XDH: variants seen among roughly 807,000 people sequenced by gnomAD.
XDH encodes xanthine dehydrogenase, also known as xanthine dehydrogenase/oxidase.
XDH carries 138 observed loss-of-function variants against 156.1 expected under a neutral mutation model. That is an observed-to-expected ratio of 0.88 (90% CI 0.77 to 1.02). The LOEUF is 1.02. XDH is among the 50% of genes least tolerant of loss of function. The pLI, the probability that XDH is intolerant of heterozygous loss-of-function variation, is 0.00. For synonymous variants in XDH, 669 were observed against 625.7 expected (o/e 1.07, Z -1.03); for missense variants, 1,849 against 1,684.9 (o/e 1.10, Z -1.71).
intron 9 of XDH, among the ~76,000 whole-genome samples, chr2:31,385,727 C>T (rs1686570147): frequency 6.6e-6 from 1 of 152,236 alleles, no homozygotes; most frequent in African/African-American, 2.4e-5. Flanking sequence ...GTCTCCCAGC[C>T]TGTTCAACTA....
intron 15 of XDH, among the ~76,000 whole-genome samples, chr2:31,374,587 G>T (rs773421828): frequency 6.6e-6 from 1 of 152,090 alleles, no homozygotes; most frequent in Non-Finnish European, 1.5e-5. Context: ...GTTTTCTCTG[G>T]GATTTGAGAG....
At chr2:31,356,502 C>T (rs1368601474) in intron 24 of XDH, among the ~76,000 whole-genome samples, 1 of 152,080 alleles carries the variant, frequency 6.6e-6, no homozygotes, top group Non-Finnish European at 1.5e-5. Flanking sequence ...AATGGACACA[C>T]AGGAGAAGGT....
chr2:31,392,153 T>A (rs1209038608), intron 6 of XDH, among the ~76,000 whole-genome samples: 1 of 152,106 alleles, frequency 6.6e-6, no homozygotes, highest in Non-Finnish European at 1.5e-5. Context: ...TAGTGAGATC[T>A]TTTTATTTTG....
intron 2 of XDH, 60 bp downstream of exon 2, chr2:31,405,847 C>T: frequency 2.5e-6 from 4 of 1,597,190 alleles, no homozygotes; most frequent in Non-Finnish European, 3.4e-6. Flanking sequence ...AATGTAAGGC[C>T]TACAGAATCA....
In XDH at chr2:31,372,306, T is replaced by C; in HGVS notation, c.1778A>G (p.Tyr593Cys). The C allele has an allele frequency of 6.2e-7, 1 of 1,614,186 alleles. No homozygotes were observed. Among genetic ancestry groups the C allele is most frequent in the Non-Finnish European group, 8.5e-7 (1 of 1,180,038 alleles). Residue 593 changes from tyrosine to cysteine, a missense_variant, in exon 17 of 36, where the codon TAC becomes TGC. Transcript: ENST00000379416. ...CTCGTAGCGAGGAATGTCGTCACAGTACACGGCCTCACCAGAGGCCTGCAT... is the reference window on the plus strand; with the variant it reads ...CTCGTAGCGAGGAATGTCGTCACAGCACACGGCCTCACCAGAGGCCTGCAT... ...ADMQASGEAV[Y>C]CDDIPRYENE...
rs1167130409 is a variant in XDH at position 31,377,035 on chromosome 2, T to C, written c.1427+18A>G. On this transcript the variant is annotated intron_variant, in intron 14 of 35. Transcript: ENST00000379416. ...GCAGCAACATTAGCAGCAGTTTCATTGTGCTGTTAGCTCTTACTTGGAAAG... is the reference window on the plus strand; with the variant it reads ...GCAGCAACATTAGCAGCAGTTTCATCGTGCTGTTAGCTCTTACTTGGAAAG... 1.2e-6 allele frequency: 2 copies of C among 1,614,092 alleles called. No individual in the cohort carries two copies. Among genetic ancestry groups the C allele is most frequent in the Admixed American group, 1.7e-5 (1 of 60,028 alleles).
intron 24 of XDH, among the ~76,000 whole-genome samples, chr2:31,353,025 C>CTT (rs774092222): frequency 5.9e-5 from 7 of 118,274 alleles, no homozygotes; most frequent in Admixed American, 8.7e-5. Context: ...CCAGCCACCT[C>CTT]TTTTTTTTTT....
chr2:31,347,707 C>G, intron 28 of XDH, 57 bp from the exon 29 acceptor site: 1 of 1,589,576 alleles, frequency 6.3e-7, no homozygotes, highest in South Asian at 1.1e-5. Flanking sequence ...GGCTTGGCTG[C>G]CTTCTCCCCA....
At chr2:31,370,887 G>A (rs1247744919) in intron 17 of XDH, among the ~76,000 whole-genome samples, 4 of 152,184 alleles carry the variant, frequency 2.6e-5, no homozygotes, top group South Asian at 2.1e-4. Flanking sequence ...TGGATGTTAC[G>A]TGATGCTCTG....
chr2:31,370,188 T>C (rs1381687539), intron 18 of XDH, among the ~76,000 whole-genome samples, 167 bp downstream of exon 18: 1 of 152,240 alleles, frequency 6.6e-6, no homozygotes, highest in Non-Finnish European at 1.5e-5. Flanking sequence ...AATAAACAAG[T>C]AACATATTCT....
chr2:31,339,371 C>T (rs1426831490), intron 34 of XDH, 118 bp downstream of exon 34: 6 of 1,384,376 alleles, frequency 4.3e-6, no homozygotes, highest in Non-Finnish European at 5.1e-6. Flanking sequence ...ACCATCTTCC[C>T]TCCTCAAGAT....
At position 31,386,435 on chromosome 2, in the gene XDH, C is replaced by A; in HGVS notation, c.772G>T (p.Val258Phe). The A allele has an allele frequency of 6.2e-7, 1 of 1,613,772 alleles. No homozygotes were observed. Among genetic ancestry groups the A allele is most frequent in the Non-Finnish European group, 8.5e-7 (1 of 1,180,038 alleles). ...LKAQHPDAKL[V>F]VGNTEIGIEM... ...TTACCAATCTCCGTGTTCCCCACGA[C>A]CAGCTTGGCGTCAGGGTGCTGAGCC... Residue 258 changes from valine to phenylalanine, a missense_variant, in exon 9 of 36, where the codon GTC (valine) becomes TTC (phenylalanine). Val to Phe is a conservative substitution (Grantham distance 50). Coordinates refer to ENST00000379416, the MANE Select transcript of XDH (RefSeq NM_000379.4).
chr2:31,402,865 T>C (rs887847167), intron 3 of XDH, among the ~76,000 whole-genome samples, 183 bp downstream of exon 3: 12 of 152,168 alleles, frequency 7.9e-5, no homozygotes, highest in Non-Finnish European at 1.6e-4. Flanking sequence ...TGGTCAATAT[T>C]ATAAGCCTAG....
chr2:31,346,250 G>A (rs1685285584), intron 30 of XDH, among the ~76,000 whole-genome samples: 1 of 152,174 alleles, frequency 6.6e-6, no homozygotes, highest in African/African-American at 2.4e-5. Context: ...AGAAGTCAGA[G>A]AATTGGGCTC....
intron 6 of XDH, 120 bp from the exon 7 acceptor site, chr2:31,388,415 G>A (rs1472566548): frequency 1.8e-6 from 2 of 1,111,312 alleles, no homozygotes; most frequent in Admixed American, 3.7e-5. Flanking sequence ...AGCATCAACA[G>A]CAGGGGCATC....
Position 31,366,942 on chromosome 2 carries a change from G to C in XDH, c.2250C>G (p.Thr750=). The C allele has an allele frequency of 1.2e-6, 2 of 1,614,250 alleles. No individual in the cohort carries two copies. The highest frequency in any genetic ancestry group is 1.7e-6 in the Non-Finnish European group (2 of 1,180,042). Residue 750 remains threonine (T), a synonymous_variant, in exon 21 of 36, where the codon ACC becomes ACG. Transcript: ENST00000379416. ...QEHFYLETHC[T]IAVPKGEAGE... ...CTGCCTCGCCTTTTGGAACAGCAAT[G>C]GTGCAGTGAGTCTCCAGGTAGAAGT...
chr2:31,349,241 C>T (rs1364066970), intron 26 of XDH, among the ~76,000 whole-genome samples: 3 of 152,158 alleles, frequency 2.0e-5, no homozygotes, highest in African/African-American at 7.2e-5. Flanking sequence ...ATAATAAAGC[C>T]TTCTCTGTGC....
At chr2:31,357,410 C>T (rs1020059254) in intron 24 of XDH, among the ~76,000 whole-genome samples, 1 of 152,084 alleles carries the variant, frequency 6.6e-6, no homozygotes, top group Non-Finnish European at 1.5e-5. Context: ...CGGGCTATCA[C>T]TACAGACCCT....
chr2:31,367,257 T>C (rs573918193), intron 20 of XDH, among the ~76,000 whole-genome samples: 1 of 152,330 alleles, frequency 6.6e-6, no homozygotes, highest in South Asian at 2.1e-4. Flanking sequence ...CTCTTCTCAC[T>C]GCAGCTTATG....
Sources: allele counts gnomAD v4.1 joint callset (sites outside exome capture counted in the v4.1 genomes callset), GRCh38; gene constraint gnomAD v4.1.1; transcripts MANE v1.5; gene names NCBI Gene and HGNC (gene_info 2026-07-23, HGNC 2026-07-21).